Variants in TMC5 observed in about 807,000 individuals in gnomAD.
TMC5 encodes the protein transmembrane channel like 5, also known as transmembrane channel-like protein 5.
TMC5 carries 86 observed loss-of-function variants against 110.5 expected under a neutral mutation model. The observed-to-expected ratio is 0.78, with a 90% CI of 0.65 to 0.93. The LOEUF (loss-of-function observed/expected upper bound fraction) is 0.93, where lower values mean the gene tolerates loss of function less well. Ranked by LOEUF, TMC5 falls within the 40% of genes least tolerant of loss-of-function variation. The probability of loss-of-function intolerance (pLI) is 0.00; values close to 1 mark genes in which losing one functional copy is unlikely to be tolerated. For synonymous variants in TMC5, 455 were observed against 439.5 expected, an observed-to-expected ratio of 1.04 and a Z score of -0.44; for missense variants, 1,144 against 1,222.8, an observed-to-expected ratio of 0.94 and a Z score of 0.96.
intron 19 of TMC5, among the ~76,000 whole-genome samples, chr16:19,493,883 CT>C (rs5816053): frequency 0.87 from 131,381 of 150,714 alleles, 57,374 homozygotes; most frequent in African/African-American, 0.92. Context: ...CTACATATAT[CT>C]TTTTTTTTTG....
At chr16:19,489,366 ACT>A (rs1307119776) in intron 17 of TMC5, among the ~76,000 whole-genome samples, 5 of 151,572 alleles carry the variant, frequency 3.3e-5, no homozygotes, top group Non-Finnish European at 7.4e-5. Flanking sequence ...ACAGAGTCTC[ACT>A]CTGTCATCCA....
chr16:19,440,777 G>T lies in TMC5; in HGVS notation c.739G>T (p.Glu247Ter), dbSNP rs767276984. The T allele has an allele frequency of 1.2e-6, 2 of 1,614,058 alleles. No homozygotes were observed. The highest frequency in any genetic ancestry group is 1.7e-6 in the Non-Finnish European group (2 of 1,180,042). ...TWREPDYSDAENGHDYGSSET... is the reference protein window; with the variant it reads ...TWREPDYSDA ...GAGAGAACCTGATTATTCAGATGCT[G>T]AGAATGGTCATGATTATGGCTCTTC... Residue 247 changes from glutamate to a stop codon, truncating the protein, a stop_gained, in exon 3 of 22, where the codon GAG becomes TAG. Transcript: ENST00000542583. LOFTEE classifies it high-confidence loss of function.
intron 2 of TMC5, among the ~76,000 whole-genome samples, chr16:19,431,619 T>C (rs1462239152): frequency 6.6e-6 from 1 of 151,938 alleles, no homozygotes; most frequent in Non-Finnish European, 1.5e-5. Context: ...GTTTTGCCTC[T>C]CTCGGGGCAA....
At chr16:19,484,401 TACTTAA>T (rs1409873710) in intron 15 of TMC5, among the ~76,000 whole-genome samples, 1 of 152,218 alleles carries the variant, frequency 6.6e-6, no homozygotes, top group East Asian at 1.9e-4. Context: ...TTGGGCAAGT[TACTTAA>T]ACTCTCTCCA....
chr16:19,425,492 A>G (rs1164272901), intron 1 of TMC5, among the ~76,000 whole-genome samples: 4 of 152,064 alleles, frequency 2.6e-5, no homozygotes, highest in Non-Finnish European at 4.4e-5. Context: ...GAAAATATAC[A>G]CAGCTTTACT....
chr16:19,458,779 G>C (rs954644862), intron 5 of TMC5, among the ~76,000 whole-genome samples: 1 of 152,090 alleles, frequency 6.6e-6, no homozygotes, highest in African/African-American at 2.4e-5. Flanking sequence ...CCTCAGCAGA[G>C]AGATTTGGTG....
At chr16:19,457,429 A>G (rs991171297) in intron 5 of TMC5, among the ~76,000 whole-genome samples, 4 of 152,132 alleles carry the variant, frequency 2.6e-5, no homozygotes, top group Admixed American at 1.3e-4. Flanking sequence ...GAAGGGCGGA[A>G]GGTTTTGTGG....
intron 4 of TMC5, among the ~76,000 whole-genome samples, chr16:19,447,058 G>C (rs1967630584): frequency 6.6e-6 from 1 of 152,088 alleles, no homozygotes; most frequent in Admixed American, 6.6e-5. Context: ...AGTTGTATCA[G>C]CTAGCTATTG....
chr16:19,464,865 C>T (rs1042435775), intron 8 of TMC5, among the ~76,000 whole-genome samples: 6 of 150,580 alleles, frequency 4.0e-5, no homozygotes, highest in East Asian at 1.9e-4. Context: ...CCTGTACAAA[C>T]GTTGATAGAT....
rs62026178 is a variant in TMC5 at position 19,486,315 on chromosome 16, C to T, written c.2364-630C>T. On this transcript the variant is annotated intron_variant, in intron 15 of 21. Transcript: ENST00000542583. ...CAAGCCTCTCTCCCTGGTTTATAGA[C>T]GGCCATCTTCTCCCCATGTCTTTAC... 5.3e-3 allele frequency among the ~76,000 whole-genome samples: 812 copies of T among 152,236 alleles called. 3 individuals are homozygous for T. Among genetic ancestry groups the T allele is most frequent in the Non-Finnish European group, 9.4e-3 (638 of 68,004 alleles).
chr16:19,447,626 G>A (rs1185956008), intron 4 of TMC5, among the ~76,000 whole-genome samples: 3 of 151,942 alleles, frequency 2.0e-5, no homozygotes, highest in Non-Finnish European at 4.4e-5. Flanking sequence ...GCTCTTTAGT[G>A]CAGGCTGGAG....
At chr16:19,421,767 A>C (rs1966987726) in intron 1 of TMC5, among the ~76,000 whole-genome samples, 1 of 152,238 alleles carries the variant, frequency 6.6e-6, no homozygotes, top group Non-Finnish European at 1.5e-5. Context: ...TCAAGAGGTG[A>C]ATGTGGAACA....
chr16:19,488,608 T>G (rs1968809717), intron 17 of TMC5, among the ~76,000 whole-genome samples: 1 of 150,382 alleles, frequency 6.6e-6, no homozygotes, highest in South Asian at 2.1e-4. Context: ...CTTTTCCCAC[T>G]CCCTTTGCTT....
chr16:19,486,966 C>T lies in TMC5; in HGVS notation c.2385C>T (p.Pro795=), dbSNP rs1597215106. 6.2e-7 allele frequency: 1 copy of T among 1,614,128 alleles called. No homozygotes were observed. The highest frequency in any genetic ancestry group is 8.5e-7 in the Non-Finnish European group (1 of 1,180,042). ...ACAGGATTGGCATCTTCTTCTGCCC[C>T]CTGCTGCCCTTTATCCAAATGATTA... The part of the protein sequence containing the change: ...TLVWIGIFFC[P]LLPFIQMIML... The change falls in exon 16 of 22, where the codon CCC becomes CCT. Residue 795 remains proline (P), a synonymous_variant. Transcript: ENST00000542583.
At chr16:19,444,745 G>C (rs1248400506) in intron 4 of TMC5, among the ~76,000 whole-genome samples, 1 of 152,208 alleles carries the variant, frequency 6.6e-6, no homozygotes, top group African/African-American at 2.4e-5. Flanking sequence ...GCACGTATGT[G>C]TTCAGAACCT....
rs1968374009 is a variant in TMC5, at chr16:19,472,686, CAT to C, written c.1938+444_1938+445del. Among the ~76,000 whole-genome samples the C allele has an allele frequency of 2.0e-5, 3 of 152,166 alleles. No homozygotes were observed. The South Asian group carries it at 6.2e-4, about 32-fold the overall frequency. On this transcript the variant is annotated intron_variant, in intron 11 of 21. Transcript: ENST00000542583. ...TAATTCTTGCAACATCTCTATGAGTCATGTGATCATCTCTCCATTGTACAGAT... is the reference window on the plus strand; with the variant it reads ...TAATTCTTGCAACATCTCTATGAGTCGTGATCATCTCTCCATTGTACAGAT...
intron 9 of TMC5, among the ~76,000 whole-genome samples, chr16:19,468,358 G>T (rs1331741102): frequency 6.6e-6 from 1 of 152,122 alleles, no homozygotes; most frequent in Non-Finnish European, 1.5e-5. Context: ...GCATTTTTGT[G>T]TGTGTGCTCA....
At chr16:19,465,543 A>G (rs1183354782) in intron 8 of TMC5, among the ~76,000 whole-genome samples, 1 of 152,084 alleles carries the variant, frequency 6.6e-6, no homozygotes, top group Non-Finnish European at 1.5e-5. Context: ...AAATAAATAA[A>G]TAAATAAATA....
At chr16:19,441,732 T>C (rs1268018194) in intron 3 of TMC5, among the ~76,000 whole-genome samples, 1 of 152,252 alleles carries the variant, frequency 6.6e-6, no homozygotes, top group African/African-American at 2.4e-5. Context: ...TTATCAATTA[T>C]AGTTTTCACC....
Sources: allele counts gnomAD v4.1 joint callset (sites outside exome capture counted in the v4.1 genomes callset), GRCh38; gene constraint gnomAD v4.1.1; transcripts MANE v1.5; gene names NCBI Gene and HGNC (gene_info 2026-07-23, HGNC 2026-07-21).